Variants in KAZN observed in about 807,000 individuals in gnomAD.
KAZN encodes kazrin.
In KAZN, 40 loss-of-function variants were observed where a neutral mutation model predicts 87.4. The ratio of observed to expected loss-of-function variants is 0.46; its 90% CI spans 0.36 to 0.60. The LOEUF (loss-of-function observed/expected upper bound fraction) is 0.60, where lower values mean the gene tolerates loss of function less well. Ranked by LOEUF, KAZN falls within the 20% of genes least tolerant of loss-of-function variation. The pLI is 0.00. For synonymous variants in KAZN, 466 were observed against 458.3 expected, an observed-to-expected ratio of 1.02 and a Z score of -0.22; for missense variants, 898 against 1,073.9, an observed-to-expected ratio of 0.84 and a Z score of 2.29.
At chr1:14,205,238 T>C (rs149303771) in intron 2 of KAZN, among the ~76,000 whole-genome samples, 28 of 152,294 alleles carry the variant, frequency 1.8e-4, no homozygotes, top group African/African-American at 6.7e-4. Context: ...TCAGCTGTGT[T>C]CTCAGGAGAG....
At chr1:14,179,871 C>T (rs763010263) in intron 1 of KAZN, among the ~76,000 whole-genome samples, 9 of 152,128 alleles carry the variant, frequency 5.9e-5, no homozygotes, top group Non-Finnish European at 4.4e-5. Flanking sequence ...AAATCTATAA[C>T]ACATCAGATG....
At chr1:14,852,737 A>G (rs564322576) in intron 1 of KAZN, among the ~76,000 whole-genome samples, 2 of 152,224 alleles carry the variant, frequency 1.3e-5, no homozygotes, top group Admixed American at 6.5e-5. Flanking sequence ...TGCAGCTTCT[A>G]TAATCAGAAA....
intron 5 of KAZN, among the ~76,000 whole-genome samples, chr1:15,059,451 G>T (rs1375750408): frequency 6.6e-6 from 1 of 152,218 alleles, no homozygotes; most frequent in Non-Finnish European, 1.5e-5. Context: ...CAGGGCCGTG[G>T]CACATCAGGC....
chr1:14,473,764 C>A (rs1269436287), intron 2 of KAZN, among the ~76,000 whole-genome samples: 3 of 152,150 alleles, frequency 2.0e-5, no homozygotes, highest in African/African-American at 7.2e-5. Flanking sequence ...ACCAGCCCTA[C>A]TAGCCTCGTT....
intron 1 of KAZN, among the ~76,000 whole-genome samples, chr1:14,894,828 CA>C (rs890858932): frequency 6.6e-6 from 1 of 152,244 alleles, no homozygotes; most frequent in African/African-American, 2.4e-5. Context: ...ACGGGGAAAT[CA>C]ATTCAAAATC....
chr1:14,045,775 G>C (rs1165346195), intron 1 of KAZN, among the ~76,000 whole-genome samples: 2 of 152,128 alleles, frequency 1.3e-5, no homozygotes, highest in Non-Finnish European at 2.9e-5. Context: ...GTTGTCATTG[G>C]ACAGGTGAAC....
chr1:15,062,422 C>T (rs1349626956), intron 6 of KAZN: 2 of 152,658 alleles, frequency 1.3e-5, no homozygotes, highest in Admixed American at 1.3e-4. Flanking sequence ...TTCCTCAACC[C>T]TTTTTATCCC....
At chr1:14,057,229 G>A (rs4662099) in intron 1 of KAZN, among the ~76,000 whole-genome samples, 25,605 of 151,292 alleles carry the variant, frequency 0.17, 2,512 homozygotes, top group Non-Finnish European at 0.23. Flanking sequence ...CTGGCTCCCA[G>A]GTTCAAGTGA....
rs534470379 is a variant in KAZN, at chr1:14,162,786, C to T, written c.92-17649C>T. ...GTCTCATTCTCCTGACCTTGGGATC[C>T]GCCTGCCTCAGCCTCCCAAAGTGCT... On this transcript the variant is annotated intron_variant, in intron 1 of 16. Transcript: ENST00000636203. Among the ~76,000 whole-genome samples the T allele has an allele frequency of 8.9e-4, 135 of 152,190 alleles. 1 individual carries two copies. Among genetic ancestry groups the T allele is most frequent in the African/African-American group, 3.1e-3 (129 of 41,542 alleles).
At chr1:14,858,209 C>CTTTTTTTTTTTTTTTTTTTTTTTT (rs762613728) in intron 1 of KAZN, among the ~76,000 whole-genome samples, 9 of 115,886 alleles carry the variant, frequency 7.8e-5, no homozygotes, top group Admixed American at 9.1e-5. Flanking sequence ...TTTTCTTTTT[C>CTTTTTTTTTTTTTTTTTTTTTTTT]TTTTCTTTTT....
intron 2 of KAZN, among the ~76,000 whole-genome samples, chr1:14,416,950 ATGTGTATG>A (rs144427021): frequency 0.022 from 3,284 of 151,374 alleles, 50 homozygotes; most frequent in Middle Eastern, 0.041. Flanking sequence ...GAGCGTGTAT[ATGTGTATG>A]TGTGTATACA....
intron 2 of KAZN, among the ~76,000 whole-genome samples, chr1:14,577,651 C>T (rs530383685): frequency 6.6e-6 from 1 of 152,284 alleles, no homozygotes; most frequent in Admixed American, 6.5e-5. Flanking sequence ...TTGAACAAAG[C>T]TGGTTATAGT....
chr1:14,175,205 C>G (rs1039244338), intron 1 of KAZN, among the ~76,000 whole-genome samples: 1 of 152,158 alleles, frequency 6.6e-6, no homozygotes, highest in Non-Finnish European at 1.5e-5. Flanking sequence ...CCGGGTTCAC[C>G]CCATTCTCCT....
intron 2 of KAZN, among the ~76,000 whole-genome samples, chr1:14,566,035 A>T (rs1557804400): frequency 6.6e-6 from 1 of 152,210 alleles, no homozygotes; most frequent in Non-Finnish European, 1.5e-5. Flanking sequence ...GACATCTAGC[A>T]TAGTGATTCC....
At chr1:14,668,828 A>G (rs1220346233) in intron 1 of KAZN, among the ~76,000 whole-genome samples, 1 of 152,244 alleles carries the variant, frequency 6.6e-6, no homozygotes, top group Non-Finnish European at 1.5e-5. Context: ...TGCTAATGGC[A>G]TGAAGCCGGC....
At chr1:14,988,560 C>T (rs952047518) in intron 2 of KAZN, among the ~76,000 whole-genome samples, 26 of 152,196 alleles carry the variant, frequency 1.7e-4, no homozygotes, top group Non-Finnish European at 3.7e-4. Context: ...TTTCCTGATG[C>T]GAGAAAAGCC....
chr1:14,657,110 T>C, intron 1 of KAZN, among the ~76,000 whole-genome samples: 1 of 146,878 alleles, frequency 6.8e-6, no homozygotes, highest in African/African-American at 2.5e-5. Flanking sequence ...GAGACAGAGT[T>C]TCACTCTTGT....
chr1:14,399,645 G>A, intron 2 of KAZN, among the ~76,000 whole-genome samples: 1 of 152,100 alleles, frequency 6.6e-6, no homozygotes, highest in South Asian at 2.1e-4. Flanking sequence ...GTCACAGCTG[G>A]AGACATCCAC....
Position 14,470,109 on chromosome 1 carries a change from A to G in KAZN, c.250-128874A>G, listed in dbSNP as rs550755978. On this transcript the variant is annotated intron_variant, in intron 2 of 16. Coordinates refer to the KAZN transcript ENST00000636203. ...TTAAGGCTGCATGCCTACATATTTC[A>G]AACAATGCGCTTGAGAAATGTCCAA... is the stretch of plus-strand genomic sequence containing the variant. Among the ~76,000 whole-genome samples the G allele has an allele frequency of 3.3e-4, 50 of 152,358 alleles. 1 individual carries two copies. The South Asian group carries it at 9.9e-3, about 30-fold the overall frequency.
Sources: gnomAD v4.1 joint callset for allele counts (sites outside exome capture counted in the v4.1 genomes callset) on GRCh38, gnomAD v4.1.1 for gene constraint, MANE v1.5 for transcripts, NCBI Gene and HGNC (gene_info 2026-07-23, HGNC 2026-07-21) for gene names.